The following ABCA13 variants were observed in gnomAD, a reference collection of about 807,000 sequenced individuals.
ABCA13 encodes the protein ATP-binding cassette sub-family A member 13.
Under a neutral mutation model 478.7 loss-of-function variants are expected in ABCA13, and 476 were observed. The observed-to-expected ratio is 0.99, with a 90% CI of 0.92 to 1.07. The LOEUF is 1.07. Among genes scored for constraint, ABCA13 ranks in the 50% least tolerant of loss-of-function variants. The probability of loss-of-function intolerance (pLI) is 0.00; values close to 1 mark genes in which losing one functional copy is unlikely to be tolerated. For synonymous variants in ABCA13, 2,252 were observed against 2,158.9 expected (o/e 1.04, Z -1.20); for missense variants, 6,060 against 5,910.6 (o/e 1.03, Z -0.83).
In ABCA13 at chr7:48,278,820, T is replaced by C. The variant is rs1466127723; in HGVS notation, c.7626T>C (p.Thr2542=). ...VSGKMSTVFK[T]HFISNTKDSV... ...GGAAGATGTCCACAGTTTTTAAAACTCATTTTATCTCCAATACCAAGGACA... is the reference window on the plus strand; with the variant it reads ...GGAAGATGTCCACAGTTTTTAAAACCCATTTTATCTCCAATACCAAGGACA... Residue 2542 remains threonine (T), a synonymous_variant, in exon 18 of 62, where the codon ACT becomes ACC. Coordinates refer to ENST00000435803, the MANE Select transcript of ABCA13 (RefSeq NM_152701.5). 6.2e-6 allele frequency: 10 copies of C among 1,613,860 alleles called. No individual in the cohort carries two copies. The highest frequency in any genetic ancestry group is 8.5e-6 in the Non-Finnish European group (10 of 1,179,894).
chr7:48,261,371 C>A (rs1017570628), intron 15 of ABCA13, among the ~76,000 whole-genome samples: 1 of 151,740 alleles, frequency 6.6e-6, no homozygotes, highest in Non-Finnish European at 1.5e-5. Context: ...TCCAAATATT[C>A]TGAGATTGTA....
intron 55 of ABCA13, among the ~76,000 whole-genome samples, chr7:48,558,126 C>G (rs753563492): frequency 1.3e-5 from 2 of 149,152 alleles, no homozygotes; most frequent in Non-Finnish European, 3.0e-5. Flanking sequence ...TGTACCTTCC[C>G]CTTCCTTCCT....
chr7:48,389,436 G>T (rs1318458767), intron 37 of ABCA13, among the ~76,000 whole-genome samples: 1 of 152,144 alleles, frequency 6.6e-6, no homozygotes, highest in Non-Finnish European at 1.5e-5. Context: ...TAGGCCTGGG[G>T]CTCAGTCAAA....
intron 1 of ABCA13, among the ~76,000 whole-genome samples, chr7:48,175,163 T>C (rs759367956): frequency 1.3e-5 from 2 of 152,376 alleles, no homozygotes; most frequent in Non-Finnish European, 2.9e-5. Context: ...GAATTTCTAT[T>C]AATTTCTACA....
Position 48,481,093 on chromosome 7 carries a change from C to A in ABCA13, c.13033C>A (p.Leu4345Met). 3.7e-6 allele frequency: 6 copies of A among 1,602,996 alleles called. No homozygotes were observed. Among genetic ancestry groups the A allele is most frequent in the Non-Finnish European group, 5.1e-6 (6 of 1,174,652 alleles). Residue 4345 changes from leucine (L) to methionine (M), a missense_variant, in exon 46 of 62, where the codon CTG becomes ATG. Coordinates refer to ENST00000435803, the MANE Select transcript of ABCA13 (RefSeq NM_152701.5). The part of the protein sequence containing the change: ...PYLTNHLGHT[L>M]LNLSGFNMEE... Reference sequence around the variant, plus strand: ...CCTGACCAACCACCTGGGCCACACACTGTTGAATCTCTCAGGCTTCAATAT... The same window carrying A: ...CCTGACCAACCACCTGGGCCACACAATGTTGAATCTCTCAGGCTTCAATAT...
At chr7:48,212,753 A>T (rs1337192805) in intron 3 of ABCA13, among the ~76,000 whole-genome samples, 1 of 152,128 alleles carries the variant, frequency 6.6e-6, no homozygotes, top group Non-Finnish European at 1.5e-5. Flanking sequence ...GTGTCTGTTT[A>T]AATATTTTAT....
chr7:48,576,660 T>C (rs1788217994), intron 55 of ABCA13, among the ~76,000 whole-genome samples: 1 of 152,070 alleles, frequency 6.6e-6, no homozygotes, highest in African/African-American at 2.4e-5. Context: ...TCCTGTGTAA[T>C]AACCAGGGAC....
intron 56 of ABCA13, 49 bp from the exon 57 acceptor site, chr7:48,587,105 G>A (rs1789260474): frequency 6.2e-7 from 1 of 1,607,996 alleles, no homozygotes; most frequent in Non-Finnish European, 8.5e-7. Flanking sequence ...GCTGTCTGGT[G>A]GGCACTTTGG....
At position 48,244,576 on chromosome 7, in the gene ABCA13, A is replaced by T. The variant is rs1791379275; in HGVS notation, c.1263A>T (p.Ile421=). The change falls in exon 11 of 62, where the codon ATA becomes ATT. Residue 421 remains isoleucine (I), a splice_region_variant and synonymous_variant. Transcript: ENST00000435803. Reference sequence around the variant, plus strand: ...TTCATTTATTTATTTTTGCCCTCAGATTACAGCATCTGTGGAAATTGCAAA... The same window carrying T: ...TTCATTTATTTATTTTTGCCCTCAGTTTACAGCATCTGTGGAAATTGCAAA... ...GPKDNHTFPK[I]LQHLWKLQSL... 2 of 1,612,512 alleles carry T rather than the reference A, an allele frequency of 1.2e-6. No homozygotes were observed. The highest frequency in any genetic ancestry group is 2.2e-5 in the South Asian group (2 of 90,990).
At chr7:48,430,549 C>A (rs1822001117) in intron 42 of ABCA13, among the ~76,000 whole-genome samples, 1 of 151,906 alleles carries the variant, frequency 6.6e-6, no homozygotes, top group Non-Finnish European at 1.5e-5. Flanking sequence ...GTGGCAGGTG[C>A]CTGTAATCCC....
chr7:48,193,012 AG>A lies in ABCA13; in HGVS notation c.124del (p.Val42PhefsTer74). 1.3e-6 allele frequency: 2 copies of A among 1,534,250 alleles called. No individual in the cohort carries two copies. Among genetic ancestry groups the A allele is most frequent in the Non-Finnish European group, 1.7e-6 (2 of 1,145,986 alleles). Reference protein sequence around the residue: ...WPCILFVILTVLRFQEPPRYR... With the variant: ...WPCILFVILTXLRFQEPPRYR... The stretch of plus-strand genomic sequence containing the variant: ...CTTGTATCCTGTTTGTAATTCTGAC[AG>A]TTCTTCGTTTTCAAGAACCTCCCAG... On this transcript the variant is annotated frameshift_variant, in exon 2 of 62. Transcript: ENST00000435803. LOFTEE classifies it high-confidence loss of function.
At chr7:48,394,504 A>G (rs1816550034) in intron 38 of ABCA13, among the ~76,000 whole-genome samples, 1 of 152,140 alleles carries the variant, frequency 6.6e-6, no homozygotes, top group African/African-American at 2.4e-5. Flanking sequence ...CACTCTCCTG[A>G]GTCCCCTCTA....
intron 55 of ABCA13, among the ~76,000 whole-genome samples, chr7:48,533,424 C>T (rs1354803060): frequency 2.0e-5 from 3 of 152,044 alleles, no homozygotes; most frequent in Non-Finnish European, 4.4e-5. Context: ...ATCATATGGT[C>T]TATCTTGGAG....
At chr7:48,554,821 AT>A (rs1174957397) in intron 55 of ABCA13, among the ~76,000 whole-genome samples, 1 of 132,280 alleles carries the variant, frequency 7.6e-6, no homozygotes, top group Admixed American at 7.4e-5. Context: ...TATTATTATT[AT>A]TTATTATTAT....
chr7:48,471,342 T>C (rs950692655), intron 44 of ABCA13, among the ~76,000 whole-genome samples, 188 bp from the exon 45 acceptor site: 1 of 152,216 alleles, frequency 6.6e-6, no homozygotes, highest in African/African-American at 2.4e-5. Flanking sequence ...ATGCTGGCGT[T>C]GTAATAAAAC....
At chr7:48,293,245 C>T (rs1798845058) in intron 20 of ABCA13, among the ~76,000 whole-genome samples, 1 of 140,660 alleles carries the variant, frequency 7.1e-6, no homozygotes, top group South Asian at 2.5e-4. Context: ...CTGGGGGGCT[C>T]CATCTTGGGG....
chr7:48,221,759 G>A (rs2128968417), intron 5 of ABCA13, among the ~76,000 whole-genome samples: 1 of 152,304 alleles, frequency 6.6e-6, no homozygotes, highest in East Asian at 1.9e-4. Context: ...CATAACTGTG[G>A]ACCAGTGGGG....
At chr7:48,382,173 C>G (rs1262766817) in intron 35 of ABCA13, among the ~76,000 whole-genome samples, 3 of 152,290 alleles carry the variant, frequency 2.0e-5, no homozygotes, top group East Asian at 1.9e-4. Flanking sequence ...TCTGGACTTA[C>G]AGCGAGTTAC....
At chr7:48,465,934 A>G (rs754593044) in intron 43 of ABCA13, among the ~76,000 whole-genome samples, 14 of 152,162 alleles carry the variant, frequency 9.2e-5, no homozygotes, top group Admixed American at 2.0e-4. Flanking sequence ...TAATTTATAT[A>G]ATAATTCTTT....
Sources: gnomAD v4.1 joint callset for allele counts (sites outside exome capture counted in the v4.1 genomes callset) on GRCh38, gnomAD v4.1.1 for gene constraint, MANE v1.5 for transcripts, NCBI Gene and HGNC (gene_info 2026-07-23, HGNC 2026-07-21) for gene names.